Variants in ISLR2 observed in about 807,000 individuals in gnomAD.
ISLR2 encodes the protein immunoglobulin superfamily containing leucine-rich repeat protein 2.
ISLR2 carries 16 observed loss-of-function variants against 25.5 expected under a neutral mutation model. The ratio of observed to expected loss-of-function variants is 0.63; its 90% CI spans 0.43 to 0.95. The LOEUF is 0.95. ISLR2 is among the 40% of genes least tolerant of loss of function. ISLR2 has a pLI of 0.00. For synonymous variants in ISLR2, 508 were observed against 486.6 expected, an observed-to-expected ratio of 1.04 and a Z score of -0.58; for missense variants, 883 against 1,030.7, an observed-to-expected ratio of 0.86 and a Z score of 1.96.
downstream of ISLR2, among the ~76,000 whole-genome samples, chr15:74,140,868 CATT>C (rs1297987445): frequency 6.6e-6 from 1 of 152,128 alleles, no homozygotes; most frequent in Non-Finnish European, 1.5e-5. Flanking sequence ...TAGAGAATAA[CATT>C]ATATTGAAAA....
At chr15:74,129,032 C>G (rs773168987), upstream of ISLR2, 2 of 456,750 alleles carry the variant, frequency 4.4e-6, no homozygotes, top group South Asian at 3.1e-5. This position sits in a 1 kb window ranked among gnomAD's most constrained non-coding sequence, Gnocchi z 4.5. Context: ...TCACAGTGCT[C>G]TCACCCCTCG....
chr15:74,110,610 G>A (rs1169594463), intron 2 of ISLR2, among the ~76,000 whole-genome samples: 2 of 151,172 alleles, frequency 1.3e-5, no homozygotes, highest in African/African-American at 2.4e-5. Context: ...TTGAGGTCAG[G>A]AGTTCGAGAC....
Position 74,133,649 on chromosome 15 carries a change from G to A in ISLR2, c.895G>A (p.Glu299Lys), listed in dbSNP as rs1490402732. ...GGAGGACGACGGGGTTGGGGCGGAG[G>A]AAGGAGAGGGAGAAGGAGATGGGGA... is the stretch of plus-strand genomic sequence containing the variant. ...SGEDDGVGAEEGEGEGDGDLL... is the reference protein window; with the variant it reads ...SGEDDGVGAEKGEGEGDGDLL... The change falls in exon 3 of 3, where the codon GAA becomes AAA. Residue 299 changes from glutamate (E) to lysine (K), a missense_variant. By Grantham distance (56) the Glu-to-Lys change is moderately conservative. This residue lies in a region of ISLR2 where 612 missense variants were observed against 642.8 expected (regional missense o/e 0.95). Transcript: ENST00000453268. 6.2e-7 allele frequency: 1 copy of A among 1,612,444 alleles called. No individual in the cohort carries two copies. The highest frequency in any genetic ancestry group is 1.1e-5 in the South Asian group (1 of 90,900).
intron 2 of ISLR2, among the ~76,000 whole-genome samples, chr15:74,122,407 G>A (rs1340096649): frequency 1.3e-5 from 2 of 152,244 alleles, no homozygotes; most frequent in Non-Finnish European, 2.9e-5. Flanking sequence ...TCCCCCAGGG[G>A]CAGCCCTTGG....
chr15:74,123,561 G>T (rs2072269624), upstream of ISLR2, among the ~76,000 whole-genome samples: 2 of 152,324 alleles, frequency 1.3e-5, no homozygotes, highest in African/African-American at 2.4e-5. Context: ...AGGTTGTGGA[G>T]CTCCAAGCCC....
At chr15:74,138,877 G>T (rs1406420290), downstream of ISLR2, among the ~76,000 whole-genome samples, 1 of 152,198 alleles carries the variant, frequency 6.6e-6, no homozygotes, top group African/African-American at 2.4e-5. Flanking sequence ...AATTCCTAGG[G>T]CCTGTTTAGG....
Position 74,134,133 on chromosome 15 carries a change from G to T in ISLR2, c.1379G>T (p.Gly460Val). 6.2e-7 allele frequency: 1 copy of T among 1,613,592 alleles called. No homozygotes were observed. Among genetic ancestry groups the T allele is most frequent in the African/African-American group, 1.3e-5 (1 of 75,052 alleles). Residue 460 changes from glycine (G) to valine (V), a missense_variant, in exon 3 of 3, where the codon GGC becomes GTC. Gly to Val is a moderately radical substitution (Grantham distance 109, BLOSUM62 -3). Transcript: ENST00000453268. ...LADPAEEQRC[G>V]NGDPSRYVSN... is the part of the protein sequence containing the mutation. ...GACCCGGCGGAGGAGCAGCGCTGTG[G>T]CAACGGGGACCCCTCTCGGTACGTT...
chr15:74,136,068 G>A lies in ISLR2; in HGVS notation c.*1076G>A, dbSNP rs1229923405. The A allele has an allele frequency of 6.0e-6, 1 of 166,900 alleles. No homozygotes were observed. The highest frequency in any genetic ancestry group is 2.4e-5 in the African/African-American group (1 of 41,476). 10.3% of individuals were successfully genotyped at this position (166,900 alleles called of 1,614,324 possible). On this transcript the variant is annotated 3_prime_UTR_variant, in exon 3 of 3. Transcript: ENST00000453268. ...CCCAGCCTCTGGGAAAATCGAGTGT[G>A]TGTGTCGGGGGGTAGGGAGGGAATG...
At chr15:74,141,477 A>G (rs1054529856), downstream of ISLR2, among the ~76,000 whole-genome samples, 1 of 152,238 alleles carries the variant, frequency 6.6e-6, no homozygotes, top group African/African-American at 2.4e-5. Context: ...AGAATTAATT[A>G]TCAAATGCGT....
chr15:74,133,965 G>T lies in ISLR2; in HGVS notation c.1211G>T (p.Arg404Leu). 6.2e-7 allele frequency: 1 copy of T among 1,609,202 alleles called. No individual in the cohort carries two copies. The highest frequency in any genetic ancestry group is 1.3e-5 in the African/African-American group (1 of 74,968). Residue 404 changes from arginine (R) to leucine (L), a missense_variant, in exon 3 of 3, where the codon CGG becomes CTG. Physicochemically the swap from Arg to Leu is moderately radical, Grantham distance 102. Coordinates refer to ENST00000453268, the MANE Select transcript of ISLR2 (RefSeq NM_020851.3). ...GAGCGCAAGTCCACAGCCAAGGGCC[G>T]GGGCAACAGCGTCCTGCCTTCCAAA... ...TSERKSTAKG[R>L]GNSVLPSKPE...
rs2072501072 is a variant in ISLR2, at chr15:74,134,089, C to A, written c.1335C>A (p.Ala445=). Residue 445 remains alanine (A), a synonymous_variant, in exon 3 of 3, where the codon GCC becomes GCA. Coordinates refer to ENST00000453268, the MANE Select transcript of ISLR2 (RefSeq NM_020851.3). ...AGGACACAAGTGAGGGAGAGGAGGC[C>A]GAAGACCAGATCCTCGCGGACCCGG... is the stretch of plus-strand genomic sequence containing the variant. ...PEEDTSEGEE[A]EDQILADPAE... The A allele has an allele frequency of 1.2e-6, 2 of 1,613,580 alleles. No homozygotes were observed. Among genetic ancestry groups the A allele is most frequent in the Non-Finnish European group, 1.7e-6 (2 of 1,179,820 alleles).
At chr15:74,118,813 A>G (rs567796761) in intron 2 of ISLR2, among the ~76,000 whole-genome samples, 49 of 152,060 alleles carry the variant, frequency 3.2e-4, no homozygotes, top group Admixed American at 2.4e-3. Flanking sequence ...GTCCGCTACC[A>G]TGCCCGGCTA....
At chr15:74,128,243 C>T, upstream of ISLR2, 2 of 333,208 alleles carry the variant, frequency 6.0e-6, no homozygotes, top group South Asian at 2.4e-5. Context: ...CGGACTCTGC[C>T]TGGGGCGACT....
At chr15:74,122,833 G>A (rs2072263348) in intron 2 of ISLR2, among the ~76,000 whole-genome samples, 1 of 152,210 alleles carries the variant, frequency 6.6e-6, no homozygotes. Flanking sequence ...CCAACCCCAG[G>A]AGCTTTGAGT....
upstream of ISLR2, among the ~76,000 whole-genome samples, chr15:74,123,169 G>GAGCAGTGCAC (rs2072266353): frequency 6.6e-6 from 1 of 152,162 alleles, no homozygotes; most frequent in African/African-American, 2.4e-5. Flanking sequence ...TCTGCCCACA[G>GAGCAGTGCAC]AGCAGTGCAC....
downstream of ISLR2, among the ~76,000 whole-genome samples, chr15:74,138,995 A>G (rs1375448940): frequency 6.6e-6 from 1 of 152,182 alleles, no homozygotes; most frequent in African/African-American, 2.4e-5. Flanking sequence ...GTGGGAAGAC[A>G]GGCCCCTTCC....
At chr15:74,110,389 T>G (rs2072156026) in intron 2 of ISLR2, among the ~76,000 whole-genome samples, 1 of 152,344 alleles carries the variant, frequency 6.6e-6, no homozygotes, top group South Asian at 2.1e-4. Flanking sequence ...AAAACTGATG[T>G]CTGCATAAAA....
chr15:74,119,659 T>G (rs1021344550), intron 2 of ISLR2, among the ~76,000 whole-genome samples: 2 of 152,242 alleles, frequency 1.3e-5, no homozygotes, highest in African/African-American at 4.8e-5. Flanking sequence ...AAAATGTTAA[T>G]TAACTTGATT....
Position 74,134,751 on chromosome 15 carries a change from G to C in ISLR2, c.1997G>C (p.Gly666Ala). ...KSYPAGGEAG[G>A]EEPEDVQGEG... Reference sequence around the variant, plus strand: ...TACCCGGCAGGCGGCGAGGCGGGCGGCGAGGAGCCAGAGGACGTGCAGGGG... The same window carrying C: ...TACCCGGCAGGCGGCGAGGCGGGCGCCGAGGAGCCAGAGGACGTGCAGGGG... Residue 666 changes from glycine (G) to alanine (A), a missense_variant, in exon 3 of 3, where the codon GGC becomes GCC. This residue lies in a region of ISLR2 where 612 missense variants were observed against 642.8 expected (regional missense o/e 0.95). Transcript: ENST00000453268. 6.2e-7 allele frequency: 1 copy of C among 1,613,946 alleles called. No homozygotes were observed. The highest frequency in any genetic ancestry group is 1.1e-5 in the South Asian group (1 of 91,084).
Sources: gnomAD v4.1 joint callset for allele counts (sites outside exome capture counted in the v4.1 genomes callset) on GRCh38, gnomAD v4.1.1 for gene constraint, gnomAD v4.1.1 regional missense constraint, Gnocchi (gnomAD v3.1) non-coding constraint, MANE v1.5 for transcripts, NCBI Gene and HGNC (gene_info 2026-07-23, HGNC 2026-07-21) for gene names.